BCO2: variants seen among roughly 807,000 people sequenced by gnomAD.
BCO2 encodes the protein carotenoid-cleaving dioxygenase, mitochondrial.
In BCO2, 56 loss-of-function variants were observed where a neutral mutation model predicts 65.8. The observed-to-expected ratio is 0.85, with a 90% CI of 0.69 to 1.06. The LOEUF is 1.06. BCO2 is among the 50% of genes least tolerant of loss of function. BCO2 has a pLI of 0.00. For synonymous variants in BCO2, 233 were observed against 242.3 expected (o/e 0.96, Z 0.36); for missense variants, 675 against 698.5 (o/e 0.97, Z 0.38).
chr11:112,195,112 A>C (rs999638642), intron 5 of BCO2, among the ~76,000 whole-genome samples: 1 of 152,196 alleles, frequency 6.6e-6, no homozygotes, highest in African/African-American at 2.4e-5. Context: ...ATAATATGAC[A>C]AATACTATTT....
intron 5 of BCO2, among the ~76,000 whole-genome samples, 159 bp downstream of exon 5, chr11:112,194,914 T>C (rs1867525225): frequency 6.6e-6 from 1 of 152,130 alleles, no homozygotes; most frequent in African/African-American, 2.4e-5. Context: ...TTACTTGATC[T>C]CAGATAAGGA....
At chr11:112,185,842 C>T (rs1175546698) in intron 2 of BCO2, among the ~76,000 whole-genome samples, 5 of 152,202 alleles carry the variant, frequency 3.3e-5, no homozygotes, top group African/African-American at 1.2e-4. Context: ...TAGATTCATA[C>T]GATTGTGCTA....
chr11:112,189,325 A>T (rs1867298331), intron 2 of BCO2, among the ~76,000 whole-genome samples: 1 of 151,998 alleles, frequency 6.6e-6, no homozygotes, highest in Non-Finnish European at 1.5e-5. Flanking sequence ...GTTCGAGACC[A>T]GTCTGGGCAG....
At chr11:112,182,504 T>C (rs1484241603) in intron 2 of BCO2, among the ~76,000 whole-genome samples, 1 of 152,182 alleles carries the variant, frequency 6.6e-6, no homozygotes, top group Non-Finnish European at 1.5e-5. Flanking sequence ...ATATACACCA[T>C]GGAATACTAT....
chr11:112,212,333 G>A (rs1859533760), intron 8 of BCO2, among the ~76,000 whole-genome samples: 1 of 152,220 alleles, frequency 6.6e-6, no homozygotes, highest in South Asian at 2.1e-4. Flanking sequence ...TTCATTAGGA[G>A]GATTCATAAG....
intron 8 of BCO2, among the ~76,000 whole-genome samples, chr11:112,208,420 C>CTTTTTTTTT (rs56317720): frequency 7.0e-6 from 1 of 143,014 alleles, no homozygotes. Flanking sequence ...TGTATATTGG[C>CTTTTTTTTT]TTTTTTTTTT....
At chr11:112,195,225 C>T (rs2135372400) in intron 5 of BCO2, among the ~76,000 whole-genome samples, 1 of 148,158 alleles carries the variant, frequency 6.7e-6, no homozygotes, top group South Asian at 2.1e-4. Context: ...ACCTCTGCCT[C>T]CCAGGTTCAA....
rs760387441 is a variant in BCO2, at chr11:112,175,672, T to G, written c.71T>G (p.Met24Arg). The stretch of plus-strand genomic sequence containing the variant: ...ACTGCAGTGGATTTCCTTCCTGTGA[T>G]GGTGCACCGGCTCCCAGGTAGAGGG... ...SATAVDFLPV[M>R]VHRLPVFKRY... The change falls in exon 1 of 12, where the codon ATG becomes AGG. Residue 24 changes from methionine to arginine, a missense_variant. By Grantham distance (91) the Met-to-Arg change is moderately conservative. Transcript: ENST00000357685. The G allele has an allele frequency of 1.9e-6, 3 of 1,613,784 alleles. No homozygotes were observed. Among genetic ancestry groups the G allele is most frequent in the Non-Finnish European group, 2.5e-6 (3 of 1,179,634 alleles).
chr11:112,188,873 G>T (rs1297468995), intron 2 of BCO2, among the ~76,000 whole-genome samples: 4 of 151,974 alleles, frequency 2.6e-5, no homozygotes, highest in Non-Finnish European at 4.4e-5. Flanking sequence ...GACTCAAGAA[G>T]ATGTTGACTT....
chr11:112,201,673 G>A (rs1867738734), intron 7 of BCO2, among the ~76,000 whole-genome samples: 1 of 152,094 alleles, frequency 6.6e-6, no homozygotes, highest in Non-Finnish European at 1.5e-5. Flanking sequence ...TTTATCATCA[G>A]TATACTGAGT....
At position 112,214,304 on chromosome 11, in the gene BCO2, G is replaced by T. The variant is rs945276706; in HGVS notation, c.1332+443G>T. Among the ~76,000 whole-genome samples, 3 of 151,986 alleles carry T rather than the reference G, an allele frequency of 2.0e-5. No individual in the cohort carries two copies. In the East Asian group the frequency reaches 5.8e-4, roughly 29 times the overall value. ...TGGGACTACAGGCACCTGTCACCAC[G>T]CCCGGCTAATGTATTTGTATTTTTA... On this transcript the variant is annotated intron_variant, in intron 9 of 11. Transcript: ENST00000357685.
chr11:112,180,625 G>C (rs1469384429), intron 2 of BCO2: 5 of 656,952 alleles, frequency 7.6e-6, no homozygotes, highest in Admixed American at 2.1e-5. Flanking sequence ...CAGAGTGCAT[G>C]TGTGTGGTGT....
At chr11:112,200,988 A>C (rs1867716459) in intron 7 of BCO2, among the ~76,000 whole-genome samples, 1 of 152,176 alleles carries the variant, frequency 6.6e-6, no homozygotes, top group African/African-American at 2.4e-5. Flanking sequence ...TTATCTTTTT[A>C]ATGATCTGAT....
Position 112,179,488 on chromosome 11 carries a change from C to T in BCO2, c.293+6C>T, listed in dbSNP as rs769607883. The T allele has an allele frequency of 5.6e-6, 9 of 1,612,730 alleles. 1 individual carries two copies. In the South Asian group the frequency reaches 6.6e-5, roughly 12 times the overall value. ...TTCGAGTTTGGGAAGGATAAGTAAG[C>T]CTTGATTTTGGAGAACAACTTGGAT... On this transcript the variant is annotated splice_donor_region_variant and intron_variant, in intron 2 of 11. Coordinates refer to ENST00000357685, the MANE Select transcript of BCO2 (RefSeq NM_031938.7).
intron 8 of BCO2, 79 bp downstream of exon 8, chr11:112,202,269 T>TTCTCTC: frequency 6.0e-6 from 7 of 1,172,074 alleles, no homozygotes; most frequent in Non-Finnish European, 8.3e-6. Flanking sequence ...AATTACATGT[T>TTCTCTC]TCTCTCTCTC....
At chr11:112,211,286 T>C (rs11214136) in intron 8 of BCO2, among the ~76,000 whole-genome samples, 19,254 of 151,434 alleles carry the variant, frequency 0.13, 1,440 homozygotes, top group East Asian at 0.39. Flanking sequence ...CAGAATTGCA[T>C]TCCCTTTTAA....
At chr11:112,195,204 C>G (rs1252797806) in intron 5 of BCO2, among the ~76,000 whole-genome samples, 7 of 151,296 alleles carry the variant, frequency 4.6e-5, no homozygotes, top group Non-Finnish European at 1.0e-4. Flanking sequence ...GGCGCAATCT[C>G]GCTCATTGCA....
At chr11:112,184,822 T>C (rs1250573312) in intron 2 of BCO2, among the ~76,000 whole-genome samples, 20 of 152,178 alleles carry the variant, frequency 1.3e-4, no homozygotes, top group Non-Finnish European at 2.9e-5. Context: ...GGATATTAGC[T>C]GTGTCCAAAT....
chr11:112,190,640 A>C (rs1006754976), intron 2 of BCO2, among the ~76,000 whole-genome samples: 1 of 152,070 alleles, frequency 6.6e-6, no homozygotes, highest in African/African-American at 2.4e-5. Context: ...GTGGATCACA[A>C]GGTCAGGAGA....
Sources: gnomAD v4.1 joint callset for allele counts (sites outside exome capture counted in the v4.1 genomes callset) on GRCh38, gnomAD v4.1.1 for gene constraint, MANE v1.5 for transcripts, NCBI Gene and HGNC (gene_info 2026-07-23, HGNC 2026-07-21) for gene names.